KPNA5: variants seen among roughly 807,000 people sequenced by gnomAD.
KPNA5 encodes the protein importin subunit alpha-6.
KPNA5 carries 46 observed loss-of-function variants against 71.3 expected under a neutral mutation model. That is an observed-to-expected ratio of 0.65 (90% CI 0.51 to 0.83). The LOEUF (loss-of-function observed/expected upper bound fraction) is 0.83. Among genes scored for constraint, KPNA5 ranks in the 40% least tolerant of loss-of-function variants. The pLI is 0.00. For missense variants in KPNA5, 547 were observed against 628.3 expected, an observed-to-expected ratio of 0.87 and a Z score of 1.38; for synonymous variants, 207 against 201.4, an observed-to-expected ratio of 1.03 and a Z score of -0.24.
intron 5 of KPNA5, among the ~76,000 whole-genome samples, chr6:116,700,894 G>A (rs1353574979): frequency 6.6e-6 from 1 of 152,030 alleles, no homozygotes; most frequent in African/African-American, 2.4e-5. Context: ...CACACTCTAG[G>A]TTTTCACAGT....
intron 8 of KPNA5, among the ~76,000 whole-genome samples, chr6:116,719,984 G>A (rs1779043714): frequency 6.6e-6 from 1 of 152,206 alleles, no homozygotes; most frequent in Admixed American, 6.5e-5. Context: ...AACCTCCACT[G>A]TGCTTTATAT....
intron 4 of KPNA5, among the ~76,000 whole-genome samples, 176 bp downstream of exon 4, chr6:116,692,568 A>G (rs1426366415): frequency 6.6e-6 from 1 of 152,134 alleles, no homozygotes; most frequent in African/African-American, 2.4e-5. Context: ...TACCAAAGTA[A>G]CATATGTTGA....
At chr6:116,711,538 ATGTGTG>A (rs143357784) in intron 7 of KPNA5, among the ~76,000 whole-genome samples, 1,527 of 143,544 alleles carry the variant, frequency 0.011, 26 homozygotes, top group African/African-American at 0.038. Flanking sequence ...TTTTCTGCAT[ATGTGTG>A]TGTGTGTGTG....
Position 116,686,593 on chromosome 6 carries a change from C to A in KPNA5, c.5-2727C>A, listed in dbSNP as rs142133531. ...TCAATTTTTGCTTTTGTTGCAATAG[C>A]CCCTTCGTGATGAAATCTCTGACTA... is the stretch of plus-strand genomic sequence containing the variant. On this transcript the variant is annotated intron_variant, in intron 1 of 13. Coordinates refer to ENST00000368564, the MANE Select transcript of KPNA5 (RefSeq NM_001366306.2). Among the ~76,000 whole-genome samples, 5 of 152,222 alleles carry A rather than the reference C, an allele frequency of 3.3e-5. 1 individual carries two copies. In the East Asian group the frequency reaches 9.6e-4, roughly 29 times the overall value.
At chr6:116,715,187 T>A (rs1369879668) in intron 7 of KPNA5, among the ~76,000 whole-genome samples, 2 of 152,186 alleles carry the variant, frequency 1.3e-5, no homozygotes, top group African/African-American at 4.8e-5. Context: ...GGGATTTTTT[T>A]AACCTAGGTT....
chr6:116,687,862 C>G lies in KPNA5; in HGVS notation c.5-1458C>G, dbSNP rs569907631. Among the ~76,000 whole-genome samples the G allele has an allele frequency of 2.6e-5, 4 of 152,296 alleles. No individual in the cohort carries two copies. In the South Asian group the frequency reaches 6.2e-4, roughly 24 times the overall value. ...CGCCTTCAGCATCTTTCCTATCTCT[C>G]TCTCTGAACTATGTAAAAACAACCT... On this transcript the variant is annotated intron_variant, in intron 1 of 13. Transcript: ENST00000368564.
intron 13 of KPNA5, 25 bp from the exon 14 acceptor site, chr6:116,732,088 ATATATATATATATATATATATAT>A (rs2114511156): frequency 2.0e-5 from 1 of 49,178 alleles, no homozygotes; most frequent in South Asian, 7.3e-4. Context: ...ATATATATAT[ATATATATATATATATATATATAT>A]ATATATATAT....
chr6:116,687,213 C>T (rs528810896), intron 1 of KPNA5, among the ~76,000 whole-genome samples: 41 of 152,162 alleles, frequency 2.7e-4, no homozygotes, highest in South Asian at 6.2e-4. Flanking sequence ...CTTTTAGCAG[C>T]GTTTTGTAAT....
intron 1 of KPNA5, among the ~76,000 whole-genome samples, chr6:116,685,959 T>G (rs1777569076): frequency 6.6e-6 from 1 of 152,112 alleles, no homozygotes. Flanking sequence ...CGGGCTGGAG[T>G]GCAGTGGTGT....
intron 4 of KPNA5, among the ~76,000 whole-genome samples, chr6:116,696,228 G>C (rs1453512732): frequency 1.5e-4 from 23 of 152,056 alleles, no homozygotes; most frequent in Admixed American, 1.5e-3. Flanking sequence ...TTGCCCAGTT[G>C]GACATACAGC....
At chr6:116,687,217 T>C (rs947726591) in intron 1 of KPNA5, among the ~76,000 whole-genome samples, 1 of 152,220 alleles carries the variant, frequency 6.6e-6, no homozygotes, top group Non-Finnish European at 1.5e-5. Context: ...TAGCAGCGTT[T>C]TGTAATTCTC....
At chr6:116,720,092 C>A (rs1411727805) in intron 8 of KPNA5, among the ~76,000 whole-genome samples, 2 of 152,172 alleles carry the variant, frequency 1.3e-5, no homozygotes, top group Non-Finnish European at 2.9e-5. Context: ...AGTCACCTAC[C>A]TTTGTAGTAG....
intron 4 of KPNA5, among the ~76,000 whole-genome samples, chr6:116,697,550 G>A (rs1778073529): frequency 6.6e-6 from 1 of 151,978 alleles, no homozygotes; most frequent in South Asian, 2.1e-4. Context: ...AGAATGATTT[G>A]TACAGGTGTT....
In KPNA5 at chr6:116,741,428, C is replaced by T. The variant is rs1441785869; in HGVS notation, c.*9105C>T. 1 of 151,980 alleles carries T rather than the reference C, an allele frequency of 6.6e-6. No individual in the cohort carries two copies. The highest frequency in any genetic ancestry group is 2.4e-5 in the African/African-American group (1 of 41,378). The allele number at this position is 151,980 out of a possible 1,614,324, so 9.4% of individuals were successfully genotyped here. A position where few individuals can be genotyped will look rare whatever the true frequency, so the allele number is the denominator to read the frequency against. ...AGTACAGAACAATAGTTGACATTTTCAGAGTACTTGTTAAGTGAATTTTAA... is the reference window on the plus strand; with the variant it reads ...AGTACAGAACAATAGTTGACATTTTTAGAGTACTTGTTAAGTGAATTTTAA... On this transcript the variant is annotated 3_prime_UTR_variant, in exon 14 of 14. Coordinates refer to ENST00000368564, the MANE Select transcript of KPNA5 (RefSeq NM_001366306.2).
intron 4 of KPNA5, among the ~76,000 whole-genome samples, chr6:116,696,318 T>C (rs1224131743): frequency 6.6e-6 from 1 of 152,178 alleles, no homozygotes; most frequent in Non-Finnish European, 1.5e-5. Context: ...ATAATAGATT[T>C]ACTGTATTTT....
intron 10 of KPNA5, among the ~76,000 whole-genome samples, chr6:116,725,443 T>A (rs1374908445): frequency 6.6e-6 from 1 of 152,194 alleles, no homozygotes; most frequent in Non-Finnish European, 1.5e-5. Flanking sequence ...GGTTGGATCC[T>A]GACCTCGGTC....
intron 1 of KPNA5, among the ~76,000 whole-genome samples, chr6:116,685,419 G>T (rs1658029647): frequency 6.6e-6 from 1 of 152,016 alleles, no homozygotes; most frequent in Non-Finnish European, 1.5e-5. Flanking sequence ...TATTTTTTCT[G>T]CATCTCTCCC....
At chr6:116,707,293 A>C (rs1308056725) in intron 7 of KPNA5, among the ~76,000 whole-genome samples, 2 of 152,188 alleles carry the variant, frequency 1.3e-5, no homozygotes, top group Non-Finnish European at 2.9e-5. Context: ...TTATTTTATT[A>C]GTATTCATTT....
At chr6:116,709,461 T>C (rs1285504315) in intron 7 of KPNA5, among the ~76,000 whole-genome samples, 1 of 152,220 alleles carries the variant, frequency 6.6e-6, no homozygotes, top group Non-Finnish European at 1.5e-5. Context: ...TGTAGTGCAC[T>C]ATAATAATGC....
Sources: allele counts gnomAD v4.1 joint callset (sites outside exome capture counted in the v4.1 genomes callset), GRCh38; gene constraint gnomAD v4.1.1; transcripts MANE v1.5; gene names NCBI Gene and HGNC (gene_info 2026-07-23, HGNC 2026-07-21).